NRP1: variants seen among roughly 807,000 people sequenced by gnomAD.
NRP1 encodes neuropilin-1.
Under a neutral mutation model 106.7 loss-of-function variants are expected in NRP1, and 35 were observed. That is an observed-to-expected ratio of 0.33 (90% CI 0.25 to 0.43). The LOEUF (loss-of-function observed/expected upper bound fraction) is 0.43, where lower values mean the gene tolerates loss of function less well. NRP1 is among the 20% of genes least tolerant of loss of function. NRP1 has a pLI of 1.00. For synonymous variants in NRP1, 437 were observed against 417.9 expected (o/e 1.05, Z -0.56); for missense variants, 1,024 against 1,170.4 (o/e 0.87, Z 1.83).
At position 33,334,365 on chromosome 10, in the gene NRP1, C is replaced by T; in HGVS notation, c.18G>A (p.Pro6=). The T allele has an allele frequency of 1.3e-6, 2 of 1,546,024 alleles. No homozygotes were observed. Among genetic ancestry groups the T allele is most frequent in the Non-Finnish European group, 8.7e-7 (1 of 1,147,244 alleles). MERGL[P]LLCAVLALVL... The stretch of plus-strand genomic sequence containing the variant: ...CGAGGGCGAGCACGGCGCAGAGGAG[C>T]GGCAGCCCCCTCTCCATTCTCCCTT... The change falls in exon 1 of 17, where the codon CCG becomes CCA. Residue 6 remains proline (P), a synonymous_variant. Coordinates refer to ENST00000374867, the MANE Select transcript of NRP1 (RefSeq NM_003873.7).
intron 2 of NRP1, among the ~76,000 whole-genome samples, chr10:33,296,529 G>T (rs1203216679): frequency 6.6e-6 from 1 of 152,148 alleles, no homozygotes; most frequent in Non-Finnish European, 1.5e-5. Flanking sequence ...CCCTGGGGAG[G>T]GTTGATCCCC....
chr10:33,186,161 A>G, intron 14 of NRP1, 56 bp downstream of exon 14: 1 of 1,523,158 alleles, frequency 6.6e-7, no homozygotes, highest in African/African-American at 1.4e-5. Context: ...CCTCCAACAT[A>G]TCATCTCAGC....
At chr10:33,256,986 T>C (rs1194092405) in intron 4 of NRP1, among the ~76,000 whole-genome samples, 2 of 152,176 alleles carry the variant, frequency 1.3e-5, no homozygotes, top group Non-Finnish European at 2.9e-5. Flanking sequence ...ATTGGCTTCC[T>C]CATGCTATCT....
At chr10:33,206,424 A>G (rs1246975407) in intron 10 of NRP1, 6 of 455,516 alleles carry the variant, frequency 1.3e-5, no homozygotes, top group Non-Finnish European at 1.8e-5. Context: ...ATAGGAGAAA[A>G]TGGCCTGCTT....
At chr10:33,260,985 C>CAAAAAAAAAAAAAAAAAA (rs35665366) in intron 4 of NRP1, among the ~76,000 whole-genome samples, 2 of 60,068 alleles carry the variant, frequency 3.3e-5, no homozygotes, top group African/African-American at 6.4e-5. Context: ...TGCCATTGAC[C>CAAAAAAAAAAAAAAAAAA]AAAAAAAAAA....
intron 6 of NRP1, among the ~76,000 whole-genome samples, chr10:33,227,362 C>T (rs536827780): frequency 6.6e-6 from 1 of 152,296 alleles, no homozygotes; most frequent in East Asian, 1.9e-4. Flanking sequence ...TGAAACGATA[C>T]TGACTTGAAA....
Position 33,202,872 on chromosome 10 carries a change from A to G in NRP1, c.1864+19T>C, listed in dbSNP as rs1055124538. 2 of 1,614,084 alleles carry G rather than the reference A, an allele frequency of 1.2e-6. No homozygotes were observed. Among genetic ancestry groups the G allele is most frequent in the Admixed American group, 1.7e-5 (1 of 60,006 alleles). On this transcript the variant is annotated intron_variant, in intron 11 of 16. Coordinates refer to ENST00000374867, the MANE Select transcript of NRP1 (RefSeq NM_003873.7). ...TGAACTGAAATGGTACAGCAATGGG[A>G]TGAAGATGGTTTCTGCACCTGTGAG... is the stretch of plus-strand genomic sequence containing the variant.
intron 12 of NRP1, among the ~76,000 whole-genome samples, chr10:33,192,987 T>C (rs529483295): frequency 6.6e-6 from 1 of 152,202 alleles, no homozygotes; most frequent in Non-Finnish European, 1.5e-5. Flanking sequence ...TTTTCTTCCA[T>C]GCCTTCTATA....
intron 12 of NRP1, among the ~76,000 whole-genome samples, chr10:33,196,689 A>T (rs1436125787): frequency 6.6e-6 from 1 of 152,178 alleles, no homozygotes; most frequent in Non-Finnish European, 1.5e-5. Context: ...TTGACCAAAG[A>T]GAAGTTTGTT....
chr10:33,274,162 A>G (rs774998688), intron 2 of NRP1, among the ~76,000 whole-genome samples: 2 of 152,230 alleles, frequency 1.3e-5, no homozygotes, highest in Non-Finnish European at 2.9e-5. Context: ...TGCAATTAAA[A>G]GGTACTTTGC....
rs577448449 is a variant in NRP1 at position 33,306,595 on chromosome 10, T to C, written c.248+24113A>G. Reference sequence around the variant, plus strand: ...ACAGATAACTGCTAATTAAGACATATTATTTCAGAAATTATGGTTGATTTC... The same window carrying C: ...ACAGATAACTGCTAATTAAGACATACTATTTCAGAAATTATGGTTGATTTC... On this transcript the variant is annotated intron_variant, in intron 2 of 16. Transcript: ENST00000374867. Among the ~76,000 whole-genome samples, 53 of 118,086 alleles carry C rather than the reference T, an allele frequency of 4.5e-4. No individual in the cohort carries two copies. The South Asian group carries it at 0.015, about 34-fold the overall frequency. 77.5% of individuals were successfully genotyped at this position (118,086 alleles called of 152,430 possible). A position where few individuals can be genotyped will look rare whatever the true frequency, so the allele number is the denominator to read the frequency against.
intron 12 of NRP1, chr10:33,195,493 T>C: frequency 1.9e-6 from 1 of 533,346 alleles, no homozygotes; most frequent in South Asian, 1.4e-5. Flanking sequence ...CTGAGTTGAG[T>C]CTATAATAGC....
rs1835549873 is a variant in NRP1, at chr10:33,179,569, T to A, written c.*507A>T. 6.3e-6 allele frequency: 1 copy of A among 158,968 alleles called. No homozygotes were observed. Among genetic ancestry groups the A allele is most frequent in the Non-Finnish European group, 1.4e-5 (1 of 71,950 alleles). 9.8% of individuals were successfully genotyped at this position (158,968 alleles called of 1,614,324 possible). A position where few individuals can be genotyped will look rare whatever the true frequency, so the allele number is the denominator to read the frequency against. On this transcript the variant is annotated 3_prime_UTR_variant, in exon 17 of 17. Transcript: ENST00000374867. ...ACAGTACTTTAAAAAGAAAACAGCC[T>A]AATCCTTCTTTGCCTATGCACGACG...
chr10:33,323,830 C>T (rs1352230042), intron 2 of NRP1, among the ~76,000 whole-genome samples: 1 of 152,138 alleles, frequency 6.6e-6, no homozygotes, highest in Non-Finnish European at 1.5e-5. Context: ...GTGTGCGCTT[C>T]TGTGGAGCCA....
At chr10:33,321,310 A>G (rs560170781) in intron 2 of NRP1, among the ~76,000 whole-genome samples, 1 of 152,256 alleles carries the variant, frequency 6.6e-6, no homozygotes, top group Non-Finnish European at 1.5e-5. Context: ...TTTTATTTTT[A>G]CCATCTTTTC....
At chr10:33,284,964 T>A (rs1464539640) in intron 2 of NRP1, among the ~76,000 whole-genome samples, 1 of 152,176 alleles carries the variant, frequency 6.6e-6, no homozygotes, top group African/African-American at 2.4e-5. Flanking sequence ...AGGGAGAGAA[T>A]CAACTTTGTA....
intron 6 of NRP1, among the ~76,000 whole-genome samples, chr10:33,240,713 C>A (rs1840944802): frequency 6.6e-6 from 1 of 152,088 alleles, no homozygotes. Flanking sequence ...AAAAACTCTC[C>A]TTGGCATTAA....
At chr10:33,265,407 G>GTGCTTTGT (rs1426066135) in intron 3 of NRP1, among the ~76,000 whole-genome samples, 2 of 152,342 alleles carry the variant, frequency 1.3e-5, no homozygotes, top group Middle Eastern at 3.4e-3. Flanking sequence ...TCTAAATAAG[G>GTGCTTTGT]TGCTTTGTTG....
At chr10:33,227,372 A>G (rs551924965) in intron 6 of NRP1, among the ~76,000 whole-genome samples, 1 of 152,240 alleles carries the variant, frequency 6.6e-6, no homozygotes, top group South Asian at 2.1e-4. Flanking sequence ...CTGACTTGAA[A>G]GCTCTAAGGG....
Sources: gnomAD v4.1 joint callset for allele counts (sites outside exome capture counted in the v4.1 genomes callset) on GRCh38, gnomAD v4.1.1 for gene constraint, MANE v1.5 for transcripts, NCBI Gene and HGNC (gene_info 2026-07-23, HGNC 2026-07-21) for gene names.